TMX3: variants seen among roughly 807,000 people sequenced by gnomAD.
TMX3 encodes thioredoxin related transmembrane protein 3, also known as protein disulfide-isomerase TMX3.
TMX3 carries 40 observed loss-of-function variants against 64.4 expected under a neutral mutation model. That is an observed-to-expected ratio of 0.62 (90% CI 0.48 to 0.81). TMX3 has a LOEUF of 0.81. TMX3 is among the 30% of genes least tolerant of loss of function. TMX3 has a pLI of 0.00. For missense variants in TMX3, 497 were observed against 534.5 expected (o/e 0.93, Z 0.69); for synonymous variants, 189 against 175.7 (o/e 1.08, Z -0.60).
In TMX3 at chr18:68,701,766, C is replaced by T. The variant is rs1049242495; in HGVS notation, c.290G>A (p.Arg97Gln). Residue 97 changes from arginine to glutamine, a missense_variant, in exon 5 of 16, where the codon CGA becomes CAA. Arg to Gln is a conservative substitution (Grantham distance 43). Coordinates refer to ENST00000299608, the MANE Select transcript of TMX3 (RefSeq NM_019022.5). ...YSSIASEFGV[R>Q]GYPTIKLLKG... ...TTACAGCTTAATTGTTGGATAACCT[C>T]GAACTCCAAACTCTGAAGCAATGCC... The T allele has an allele frequency of 6.2e-6, 10 of 1,611,384 alleles. No individual in the cohort carries two copies. The highest frequency in any genetic ancestry group is 1.1e-5 in the South Asian group (1 of 90,950).
At chr18:68,692,576 T>C (rs1328517017) in intron 8 of TMX3, among the ~76,000 whole-genome samples, 1 of 152,168 alleles carries the variant, frequency 6.6e-6, no homozygotes, top group Non-Finnish European at 1.5e-5. Context: ...ATATTCAAAA[T>C]ATGGGAAGAC....
rs113906830 is a variant in TMX3 at position 68,710,171 on chromosome 18, CA to C, written c.142-28del. 3.5e-4 allele frequency: 516 copies of C among 1,494,812 alleles called. 4 individuals are homozygous for C. The African/African-American group carries it at 6.6e-3, about 19-fold the overall frequency. The allele number at this position is 1,494,812 out of a possible 1,614,324, so 92.6% of individuals were successfully genotyped here. A position where few individuals can be genotyped will look rare whatever the true frequency, so the allele number is the denominator to read the frequency against. On this transcript the variant is annotated intron_variant, in intron 3 of 15. Coordinates refer to ENST00000299608, the MANE Select transcript of TMX3 (RefSeq NM_019022.5). The stretch of plus-strand genomic sequence containing the variant: ...TTGTTTTAAAAAAACAAACAACAAA[CA>C]AAAAAAGATAACCATTAAAATGTTG...
intron 9 of TMX3, among the ~76,000 whole-genome samples, chr18:68,688,246 T>A (rs1240466684): frequency 6.6e-6 from 1 of 152,152 alleles, no homozygotes; most frequent in Non-Finnish European, 1.5e-5. Context: ...TATACTTGGG[T>A]CATGGCACTA....
intron 15 of TMX3, among the ~76,000 whole-genome samples, chr18:68,678,580 A>G (rs1458241441): frequency 6.6e-6 from 1 of 152,182 alleles, no homozygotes; most frequent in Non-Finnish European, 1.5e-5. Flanking sequence ...AAAGAAATCC[A>G]GGGGAAATAC....
At chr18:68,698,339 A>C (rs763460531) in intron 6 of TMX3, among the ~76,000 whole-genome samples, 17 of 152,198 alleles carry the variant, frequency 1.1e-4, no homozygotes, top group Non-Finnish European at 2.4e-4. Flanking sequence ...AGTATTGTCC[A>C]TTTAGAATCC....
rs190635017 is a variant in TMX3 at position 68,680,352 on chromosome 18, C to T, written c.1035+629G>A. Among the ~76,000 whole-genome samples, 7 of 152,052 alleles carry T rather than the reference C, an allele frequency of 4.6e-5. No individual in the cohort carries two copies. In the South Asian group the frequency reaches 8.3e-4, roughly 18 times the overall value. ...CTGGTCACAACCTGATTGTGACTTGCGGTGGTTTCATGACTTTCTAATATA... is the reference window on the plus strand; with the variant it reads ...CTGGTCACAACCTGATTGTGACTTGTGGTGGTTTCATGACTTTCTAATATA... On this transcript the variant is annotated intron_variant, in intron 14 of 15. Transcript: ENST00000299608.
At chr18:68,708,725 T>A (rs927111686) in intron 4 of TMX3, among the ~76,000 whole-genome samples, 1 of 152,190 alleles carries the variant, frequency 6.6e-6, no homozygotes, top group African/African-American at 2.4e-5. Flanking sequence ...TACCTCATAC[T>A]GACAAGTGAT....
intron 13 of TMX3, among the ~76,000 whole-genome samples, chr18:68,682,061 G>T (rs1913490896): frequency 6.6e-6 from 1 of 152,204 alleles, no homozygotes; most frequent in African/African-American, 2.4e-5. Flanking sequence ...AGGTGGCGGG[G>T]TGGGGAAGGT....
At chr18:68,681,780 G>T (rs1913460164) in intron 13 of TMX3, among the ~76,000 whole-genome samples, 2 of 152,278 alleles carry the variant, frequency 1.3e-5, no homozygotes, top group South Asian at 4.1e-4. Flanking sequence ...GCATCATGTT[G>T]TTGAGCTTCC....
At chr18:68,682,257 C>CTA (rs1386696495) in intron 13 of TMX3, among the ~76,000 whole-genome samples, 8 of 152,280 alleles carry the variant, frequency 5.3e-5, no homozygotes, top group Non-Finnish European at 1.2e-4. Flanking sequence ...TAAATGTTCA[C>CTA]TGAATAGAGT....
chr18:68,697,340 A>T (rs1039256304), intron 7 of TMX3, 37 bp from the exon 8 acceptor site: 4 of 1,304,288 alleles, frequency 3.1e-6, no homozygotes, highest in Non-Finnish European at 4.2e-6. Flanking sequence ...TCATTGAAAA[A>T]TATTAAAGGC....
chr18:68,682,108 A>T (rs913661434), intron 13 of TMX3, among the ~76,000 whole-genome samples: 3 of 152,178 alleles, frequency 2.0e-5, no homozygotes, highest in African/African-American at 7.2e-5. Context: ...GCCCTGTCCT[A>T]CATAGATCTT....
rs1279351141 is a variant in TMX3 at position 68,715,043 on chromosome 18, G to A, written c.-62C>T. ...AAGAGGGATAAAGACACTGGGGTCC[G>A]CCGCCTGCCCGCCCGGAAAGGGAAA... On this transcript the variant is annotated 5_prime_UTR_variant, in exon 1 of 16. Transcript: ENST00000299608. 9 of 1,547,552 alleles carry A rather than the reference G, an allele frequency of 5.8e-6. No individual in the cohort carries two copies. Among genetic ancestry groups the A allele is most frequent in the East Asian group, 2.5e-5 (1 of 40,494 alleles).
intron 8 of TMX3, 66 bp from the exon 9 acceptor site, chr18:68,691,427 C>G: frequency 9.1e-7 from 1 of 1,098,324 alleles, no homozygotes; most frequent in Non-Finnish European, 1.3e-6. Context: ...ACTATAATTT[C>G]AAAAGTCTTG....
intron 2 of TMX3, 45 bp downstream of exon 2, chr18:68,713,801 T>C (rs190621054): frequency 1.0e-6 from 1 of 973,562 alleles, no homozygotes. Context: ...GATATCTGAG[T>C]TGGACAGTTA....
intron 14 of TMX3, among the ~76,000 whole-genome samples, chr18:68,679,848 G>A (rs75323532): frequency 0.013 from 1,939 of 152,204 alleles, 43 homozygotes; most frequent in African/African-American, 0.044. Flanking sequence ...AGCTGGGACC[G>A]CAAAACCAGA....
chr18:68,711,466 T>C (rs567937419), intron 2 of TMX3, 63 bp from the exon 3 acceptor site: 403 of 1,125,466 alleles, frequency 3.6e-4, no homozygotes, highest in Non-Finnish European at 4.9e-4. Context: ...CTGTATAGTA[T>C]AGGCAGAGAT....
At chr18:68,687,088 C>T (rs964386706) in intron 10 of TMX3, 42 of 982,034 alleles carry the variant, frequency 4.3e-5, no homozygotes, top group Admixed American at 1.2e-4. Context: ...CACCAATAAC[C>T]AATATTTCTC....
Position 68,697,307 on chromosome 18 carries a change from T to C in TMX3, c.493-4A>G. 1 of 1,513,452 alleles carries C rather than the reference T, an allele frequency of 6.6e-7. No individual in the cohort carries two copies. The highest frequency in any genetic ancestry group is 8.9e-7 in the Non-Finnish European group (1 of 1,119,432). 93.8% of individuals were successfully genotyped at this position (1,513,452 alleles called of 1,614,324 possible). ...AAGCAGCATCTATGTATTTCTCCTA[T>C]GAAGATACAAACAGAAAAAAGATCA... On this transcript the variant is annotated splice_region_variant and splice_polypyrimidine_tract_variant and intron_variant, in intron 7 of 15. Transcript: ENST00000299608.
Sources: allele counts gnomAD v4.1 joint callset (sites outside exome capture counted in the v4.1 genomes callset), GRCh38; gene constraint gnomAD v4.1.1; transcripts MANE v1.5; gene names NCBI Gene and HGNC (gene_info 2026-07-23, HGNC 2026-07-21).